The following TBC1D32 variants were observed in gnomAD, a reference collection of about 807,000 sequenced individuals.
The protein encoded by TBC1D32 is TBC1 domain family member 32.
A neutral mutation model predicts 170.3 loss-of-function variants in TBC1D32; 151 were observed. That is an observed-to-expected ratio of 0.89 (90% CI 0.78 to 1.01). The LOEUF (loss-of-function observed/expected upper bound fraction) is 1.01. Among genes scored for constraint, TBC1D32 ranks in the 50% least tolerant of loss-of-function variants. The probability of loss-of-function intolerance (pLI) is 0.00; values close to 1 mark genes in which losing one functional copy is unlikely to be tolerated. For synonymous variants in TBC1D32, 498 were observed against 488.0 expected (o/e 1.02, Z -0.27); for missense variants, 1,464 against 1,457.1 (o/e 1.00, Z -0.08).
intron 24 of TBC1D32, among the ~76,000 whole-genome samples, chr6:121,136,505 G>C (rs968656242): frequency 2.0e-5 from 3 of 152,106 alleles, no homozygotes; most frequent in Non-Finnish European, 4.4e-5. Context: ...TGGAGCCAGG[G>C]AGGCTGCTAA....
intron 30 of TBC1D32, among the ~76,000 whole-genome samples, chr6:121,099,698 T>C (rs73766696): frequency 0.077 from 11,754 of 151,896 alleles, 902 homozygotes; most frequent in African/African-American, 0.2. Flanking sequence ...AATAAAATGG[T>C]AAATAATATC....
At chr6:121,122,246 C>T (rs1489050463) in intron 26 of TBC1D32, among the ~76,000 whole-genome samples, 3 of 151,988 alleles carry the variant, frequency 2.0e-5, no homozygotes, top group African/African-American at 7.2e-5. Flanking sequence ...TCATCTCAGC[C>T]ATTCCTGTTT....
intron 30 of TBC1D32, among the ~76,000 whole-genome samples, chr6:121,101,944 A>G (rs1215719682): frequency 6.6e-6 from 1 of 152,166 alleles, no homozygotes; most frequent in East Asian, 1.9e-4. Flanking sequence ...TACACCGATA[A>G]CAGACAAACA....
At chr6:121,170,445 C>G (rs1470108894) in intron 22 of TBC1D32, 1 of 1,606,730 alleles carries the variant, frequency 6.2e-7, no homozygotes, top group Non-Finnish European at 8.5e-7. Flanking sequence ...TCTTCTTGAG[C>G]ATTTAGTAAC....
Position 121,334,451 on chromosome 6 carries a change from ACT to A in TBC1D32, c.-23_-22del, listed in dbSNP as rs1491167971. On this transcript the variant is annotated 5_prime_UTR_variant, in exon 1 of 32. An upstream open reading frame in the 5' UTR loses its in-frame stop. Coordinates refer to ENST00000398212, the MANE Select transcript of TBC1D32 (RefSeq NM_152730.6). ...GCCATCCTGTTGGAATCAAACGTCC[ACT>A]CTCATTACTCCAGGTCCGAGCAAAA... The A allele has an allele frequency of 3.7e-6, 6 of 1,606,126 alleles. No homozygotes were observed. Among genetic ancestry groups the A allele is most frequent in the South Asian group, 2.2e-5 (2 of 90,194 alleles).
intron 20 of TBC1D32, among the ~76,000 whole-genome samples, chr6:121,227,479 G>A (rs1440126203): frequency 6.6e-6 from 1 of 151,924 alleles, no homozygotes; most frequent in Non-Finnish European, 1.5e-5. Flanking sequence ...TCCAAACACA[G>A]CATTTATCAG....
At chr6:121,082,280 T>C (rs990093799) in intron 31 of TBC1D32, among the ~76,000 whole-genome samples, 1 of 152,150 alleles carries the variant, frequency 6.6e-6, no homozygotes, top group Admixed American at 6.5e-5. Context: ...TACTTGGTCT[T>C]TGTAAATTCC....
At chr6:121,162,686 G>A (rs1004877493) in intron 22 of TBC1D32, among the ~76,000 whole-genome samples, 4 of 152,184 alleles carry the variant, frequency 2.6e-5, no homozygotes, top group Non-Finnish European at 5.9e-5. Context: ...AAGCTGACAA[G>A]CAAAGTCTCA....
chr6:121,288,980 A>G (rs1804354956), intron 12 of TBC1D32, among the ~76,000 whole-genome samples: 1 of 152,204 alleles, frequency 6.6e-6, no homozygotes, highest in African/African-American at 2.4e-5. Flanking sequence ...CTCTCAATAA[A>G]TTAGGTATTG....
chr6:121,299,476 T>TAATACTTCTTG lies in TBC1D32; in HGVS notation c.1109_1110insCAAGAAGTATT (p.Leu370PhefsTer5). 1 of 1,512,746 alleles carries TAATACTTCTTG rather than the reference T, an allele frequency of 6.6e-7. No individual in the cohort carries two copies. The highest frequency in any genetic ancestry group is 1.1e-5 in the South Asian group (1 of 86,992). The allele number at this position is 1,512,746 out of a possible 1,614,324, so 93.7% of individuals were successfully genotyped here. ...ACTTATATTTCGTTTCAAGAAGTCT[T>TAATACTTCTTG]AATACTGTAGTTCTGCTATAATGTG... On this transcript the variant is annotated frameshift_variant, in exon 10 of 32. Transcript: ENST00000398212. LOFTEE classifies it high-confidence loss of function.
At chr6:121,105,883 C>A in intron 30 of TBC1D32, 140 bp downstream of exon 30, 2 of 940,962 alleles carry the variant, frequency 2.1e-6, no homozygotes, top group Non-Finnish European at 3.0e-6. Context: ...TCATAACAGG[C>A]CTGGGGAGAA....
chr6:121,161,082 G>A (rs760839897), intron 22 of TBC1D32, 26 bp from the exon 23 acceptor site: 2 of 1,529,342 alleles, frequency 1.3e-6, no homozygotes, highest in East Asian at 4.6e-5. Flanking sequence ...TATCACCTTT[G>A]TCATCCTTTT....
At chr6:121,334,523 C>T, upstream of TBC1D32, 2 of 1,434,190 alleles carry the variant, frequency 1.4e-6, no homozygotes, top group African/African-American at 1.4e-5. Flanking sequence ...CCAGCCCCGG[C>T]TACGTGCGGC....
intron 26 of TBC1D32, among the ~76,000 whole-genome samples, chr6:121,121,615 A>G (rs1011065380): frequency 1.3e-5 from 2 of 152,002 alleles, no homozygotes; most frequent in African/African-American, 4.8e-5. Flanking sequence ...GTACAGGTGA[A>G]TCAAGTAAAG....
At chr6:121,301,761 T>C (rs1464278212) in intron 9 of TBC1D32, among the ~76,000 whole-genome samples, 1 of 152,028 alleles carries the variant, frequency 6.6e-6, no homozygotes, top group African/African-American at 2.4e-5. Flanking sequence ...TTCTAGGGAA[T>C]AGAGGATTTT....
chr6:121,304,750 C>T lies in TBC1D32; in HGVS notation c.769+5G>A, dbSNP rs375307834. On this transcript the variant is annotated splice_donor_5th_base_variant and intron_variant, in intron 6 of 31. Transcript: ENST00000398212. ...AAACATTTTTAAATGTTTTCACAAA[C>T]ATACCTAAGCTTGTATAAATTTCCT... 3.8e-6 allele frequency: 6 copies of T among 1,589,274 alleles called. No individual in the cohort carries two copies. The highest frequency in any genetic ancestry group is 5.1e-6 in the Non-Finnish European group (6 of 1,166,582).
chr6:121,170,361 C>G, intron 22 of TBC1D32: 3 of 1,522,672 alleles, frequency 2.0e-6, no homozygotes, highest in Non-Finnish European at 2.6e-6. Context: ...CAAAACATCT[C>G]TAAAGAAAAC....
rs780229548 is a variant in TBC1D32 at position 121,113,100 on chromosome 6, A to G, written c.3131T>C (p.Phe1044Ser). The part of the protein sequence containing the change: ...LTWVLKHCER[F>S]LKQQQTSIKS... ...TATGGAAGTTTGCTGCTGTTTCAGG[A>G]ATCTCTCACAATGCTTTAAAACCCA... Residue 1044 changes from phenylalanine to serine, a missense_variant, in exon 28 of 32, where the codon TTC becomes TCC. Around this residue, in one of 3 missense-constraint regions of TBC1D32, gnomAD observed 1,363 missense variants for 1,338.1 expected, o/e 1.02. Transcript: ENST00000398212. 3.4e-5 allele frequency: 54 copies of G among 1,611,254 alleles called. No homozygotes were observed. The highest frequency in any genetic ancestry group is 4.2e-5 in the Non-Finnish European group (50 of 1,178,926).
rs559079216 is a variant in TBC1D32 at position 121,244,044 on chromosome 6, C to T, written c.2019-1705G>A. On this transcript the variant is annotated intron_variant, in intron 17 of 31. Coordinates refer to ENST00000398212, the MANE Select transcript of TBC1D32 (RefSeq NM_152730.6). ...GGAGAAAAGCAAGCATTAACAAGACCAAAACCTAGTCTGCATAAACTAATG... is the reference window on the plus strand; with the variant it reads ...GGAGAAAAGCAAGCATTAACAAGACTAAAACCTAGTCTGCATAAACTAATG... 2.4e-3 allele frequency among the ~76,000 whole-genome samples: 369 copies of T among 151,916 alleles called. 2 individuals carry two copies. Among genetic ancestry groups the T allele is most frequent in the African/African-American group, 8.5e-3 (352 of 41,440 alleles).
Sources: gnomAD v4.1 joint callset for allele counts (sites outside exome capture counted in the v4.1 genomes callset) on GRCh38, gnomAD v4.1.1 for gene constraint, gnomAD v4.1.1 regional missense constraint, MANE v1.5 for transcripts, NCBI Gene and HGNC (gene_info 2026-07-23, HGNC 2026-07-21) for gene names.